Variants in KCNMA1 observed in about 807,000 individuals in gnomAD.
KCNMA1 encodes potassium calcium-activated channel subfamily M alpha 1.
KCNMA1 carries 29 observed loss-of-function variants against 140.0 expected under a neutral mutation model. That is an observed-to-expected ratio of 0.21 (90% CI 0.15 to 0.28). The LOEUF (loss-of-function observed/expected upper bound fraction) is 0.28, where lower values mean the gene tolerates loss of function less well. KCNMA1 is among the 10% of genes least tolerant of loss of function. The probability of loss-of-function intolerance (pLI) is 1.00; values close to 1 mark genes in which losing one functional copy is unlikely to be tolerated. For synonymous variants in KCNMA1, 612 were observed against 611.9 expected, an observed-to-expected ratio of 1.00 and a Z score of 0.00; for missense variants, 880 against 1,602.2, an observed-to-expected ratio of 0.55 and a Z score of 7.70.
chr10:77,531,528 G>A (rs923361735), intron 1 of KCNMA1, among the ~76,000 whole-genome samples: 3 of 152,116 alleles, frequency 2.0e-5, no homozygotes, highest in East Asian at 3.9e-4. Flanking sequence ...CTGTACCACC[G>A]ACCCTGCCAG....
intron 2 of KCNMA1, among the ~76,000 whole-genome samples, chr10:77,382,783 TG>T (rs2095435441): frequency 7.0e-6 from 1 of 143,416 alleles, no homozygotes; most frequent in African/African-American, 2.6e-5. Context: ...GAGAATCACT[TG>T]AACCCAGAAG....
intron 2 of KCNMA1, among the ~76,000 whole-genome samples, chr10:77,363,717 G>A (rs946948806): frequency 5.3e-5 from 8 of 152,056 alleles, no homozygotes; most frequent in Admixed American, 2.6e-4. Flanking sequence ...TTGACTGTGC[G>A]TAGCTCTTTC....
chr10:77,322,445 C>A (rs1391287890), intron 2 of KCNMA1, among the ~76,000 whole-genome samples: 1 of 152,224 alleles, frequency 6.6e-6, no homozygotes, highest in African/African-American at 2.4e-5. Flanking sequence ...GAACACTGAG[C>A]AACTCACAAG....
chr10:77,395,351 G>GA (rs968372484), intron 2 of KCNMA1, among the ~76,000 whole-genome samples: 12 of 149,660 alleles, frequency 8.0e-5, no homozygotes, highest in Non-Finnish European at 1.2e-4. Context: ...CCTTGTCTCT[G>GA]AAAAAAAAAT....
chr10:77,539,750 T>C (rs1320920229), intron 1 of KCNMA1, among the ~76,000 whole-genome samples: 1 of 152,174 alleles, frequency 6.6e-6, no homozygotes, highest in African/African-American at 2.4e-5. Context: ...CCAATGCAAA[T>C]GCTGTTGGCC....
chr10:77,389,032 CA>C (rs2095714795), intron 2 of KCNMA1, among the ~76,000 whole-genome samples: 1 of 152,186 alleles, frequency 6.6e-6, no homozygotes, highest in Non-Finnish European at 1.5e-5. Flanking sequence ...TCCAGGGAGG[CA>C]AGGGGGAGTC....
In KCNMA1 at chr10:77,093,316, G is replaced by A. The variant is rs115793623; in HGVS notation, c.1224-2806C>T. Among the ~76,000 whole-genome samples, 1,484 of 152,292 alleles carry A rather than the reference G, an allele frequency of 9.7e-3. 27 individuals are homozygous for A. Among genetic ancestry groups the A allele is most frequent in the African/African-American group, 0.034 (1,409 of 41,560 alleles). ...CAGATTGCCTTTTTGCCCAAGGAGAGTTATTAGGTACATTATCATGGCAAC... is the reference window on the plus strand; with the variant it reads ...CAGATTGCCTTTTTGCCCAAGGAGAATTATTAGGTACATTATCATGGCAAC... On this transcript the variant is annotated intron_variant, in intron 9 of 27. Transcript: ENST00000286628.
rs199843798 is a variant in KCNMA1 at position 76,915,034 on chromosome 10, C to T, written c.2918G>A (p.Gly973Glu). The T allele has an allele frequency of 6.8e-6, 11 of 1,612,344 alleles. No individual in the cohort carries two copies. In the East Asian group the frequency reaches 2.5e-4, roughly 36 times the overall value. The stretch of plus-strand genomic sequence containing the variant: ...GTTATCTGGAGAGGATCTATCCATT[C>T]CTGGAGGTGTGAACCCTAGTGGGAA... ...QANSQGFTPP[G>E]MDRSSPDNSP... Residue 973 changes from glycine to glutamate, a missense_variant, in exon 24 of 28, where the codon GGA becomes GAA. Physicochemically the swap from Gly to Glu is moderately conservative, Grantham distance 98 (BLOSUM62 -2). Around this residue, in one of 13 missense-constraint regions of KCNMA1, gnomAD observed 44 missense variants for 58.2 expected, o/e 0.76. Transcript: ENST00000286628.
intron 1 of KCNMA1, among the ~76,000 whole-genome samples, chr10:77,446,273 T>C (rs1472284414): frequency 6.6e-6 from 1 of 152,198 alleles, no homozygotes; most frequent in Non-Finnish European, 1.5e-5. Flanking sequence ...TCTGGAGCTG[T>C]CTGAGGAAAC....
chr10:77,468,733 T>C (rs1603626760), intron 1 of KCNMA1, among the ~76,000 whole-genome samples: 1 of 152,318 alleles, frequency 6.6e-6, no homozygotes, highest in South Asian at 2.1e-4. Flanking sequence ...TGTAGTACTT[T>C]GTCACAGCAG....
chr10:77,466,157 C>G (rs1473739151), intron 1 of KCNMA1, among the ~76,000 whole-genome samples: 1 of 152,196 alleles, frequency 6.6e-6, no homozygotes. Flanking sequence ...TGGCTGCCCT[C>G]ACTCCTCGAT....
At chr10:76,931,460 A>G (rs933085253) in intron 23 of KCNMA1, among the ~76,000 whole-genome samples, 16 of 151,908 alleles carry the variant, frequency 1.1e-4, no homozygotes, top group African/African-American at 3.9e-4. Context: ...CCCCTTTCCC[A>G]GTTGAGAACT....
intron 1 of KCNMA1, among the ~76,000 whole-genome samples, chr10:77,554,545 C>T (rs768347163): frequency 5.9e-5 from 8 of 136,332 alleles, no homozygotes; most frequent in African/African-American, 2.0e-4. Flanking sequence ...TGCAGTGAGC[C>T]GAGATTGCAC....
chr10:76,959,641 T>C (rs977490791), intron 20 of KCNMA1, among the ~76,000 whole-genome samples: 2 of 152,348 alleles, frequency 1.3e-5, no homozygotes, highest in South Asian at 2.1e-4. Context: ...GCTCTGATTA[T>C]GGTGAAAGGA....
chr10:77,179,899 G>A (rs548887527), intron 5 of KCNMA1, among the ~76,000 whole-genome samples: 26 of 152,324 alleles, frequency 1.7e-4, no homozygotes, highest in Non-Finnish European at 2.9e-4. Flanking sequence ...ACATAGTAGT[G>A]TCTCTATGAG....
intron 1 of KCNMA1, among the ~76,000 whole-genome samples, chr10:77,431,867 C>A (rs2154494979): frequency 6.6e-6 from 1 of 152,182 alleles, no homozygotes; most frequent in East Asian, 1.9e-4. Context: ...GTGGTGCACA[C>A]CTGTAGTCCC....
chr10:77,035,368 C>T (rs1364848055), intron 15 of KCNMA1, among the ~76,000 whole-genome samples: 1 of 152,226 alleles, frequency 6.6e-6, no homozygotes, highest in African/African-American at 2.4e-5. Context: ...CTATAACTCT[C>T]AGCATCTCTA....
In KCNMA1 at chr10:77,404,003, A is replaced by G. The variant is rs767525618; in HGVS notation, c.399T>C (p.Asn133=). ...GKTKEAQKIN[N]GSSQADGTLK... ...GAGTGCCATCCGCCTGGCTTGAGCC[A>G]TTGTTAATCTTCTGGGCCTCCTGGC... Residue 133 remains asparagine, a synonymous_variant, in exon 2 of 28, where the codon AAT becomes AAC. Transcript: ENST00000286628. The G allele has an allele frequency of 1.9e-6, 3 of 1,614,032 alleles. No homozygotes were observed. The highest frequency in any genetic ancestry group is 2.7e-5 in the African/African-American group (2 of 74,926).
At chr10:77,273,675 C>T (rs181912166) in intron 2 of KCNMA1, among the ~76,000 whole-genome samples, 167 of 152,248 alleles carry the variant, frequency 1.1e-3, no homozygotes, top group African/African-American at 3.7e-3. Context: ...GACAGTCCTT[C>T]AGGCAGGAGT....
Sources: allele counts gnomAD v4.1 joint callset (sites outside exome capture counted in the v4.1 genomes callset), GRCh38; gene constraint gnomAD v4.1.1; regional missense constraint gnomAD v4.1.1; transcripts MANE v1.5; gene names NCBI Gene and HGNC (gene_info 2026-07-23, HGNC 2026-07-21).